The following SPATA13 variants were observed in gnomAD, a reference collection of about 807,000 sequenced individuals.
SPATA13 encodes the protein spermatogenesis-associated protein 13.
Under a neutral mutation model 104.0 loss-of-function variants are expected in SPATA13, and 50 were observed. The ratio of observed to expected loss-of-function variants is 0.48; its 90% CI spans 0.38 to 0.61. The LOEUF (loss-of-function observed/expected upper bound fraction) is 0.61, where lower values mean the gene tolerates loss of function less well. SPATA13 is among the 20% of genes least tolerant of loss of function. The pLI, the probability that SPATA13 is intolerant of heterozygous loss-of-function variation, is 0.00. For synonymous variants in SPATA13, 606 were observed against 667.5 expected (o/e 0.91, Z 1.42); for missense variants, 1,524 against 1,690.6 (o/e 0.90, Z 1.73).
chr13:24,158,884 C>A (rs142652845), upstream of SPATA13, among the ~76,000 whole-genome samples: 8 of 152,280 alleles, frequency 5.3e-5, 1 homozygote, highest in Admixed American at 1.3e-4. Context: ...GTCTTCAGGT[C>A]TAGTTGGTAT....
intron 2 of SPATA13, among the ~76,000 whole-genome samples, chr13:23,992,482 A>T (rs1230763559): frequency 6.6e-6 from 1 of 152,168 alleles, no homozygotes; most frequent in Non-Finnish European, 1.5e-5. Flanking sequence ...GTGGTGGTGG[A>T]TGGCTCTGCT....
intron 2 of SPATA13, among the ~76,000 whole-genome samples, chr13:24,242,489 G>A (rs1034120777): frequency 1.3e-5 from 2 of 152,208 alleles, no homozygotes; most frequent in African/African-American, 4.8e-5. Context: ...AAATGGAGGG[G>A]TCATGTCTAG....
At position 23,993,481 on chromosome 13, in the gene SPATA13, A is replaced by G. The variant is rs145875484; in HGVS notation, c.-147+9548A>G. ...GCAATAAGGCTTCTCTGCAAATAAG[A>G]GAAAGCATGCACCTCTCAGAAGAGT... On this transcript the variant is annotated intron_variant, in intron 2 of 14. Coordinates refer to the SPATA13 transcript ENST00000424834. Among the ~76,000 whole-genome samples the G allele has an allele frequency of 2.1e-3, 315 of 152,354 alleles. 4 individuals carry two copies. Among genetic ancestry groups the G allele is most frequent in the Non-Finnish European group, 3.9e-3 (265 of 68,030 alleles).
intron 1 of SPATA13, among the ~76,000 whole-genome samples, chr13:24,199,707 T>A (rs7330416): frequency 0.87 from 133,092 of 152,218 alleles, 60,742 homozygotes; most frequent in Non-Finnish European, 1. Flanking sequence ...TGCCTAGACC[T>A]GCGGCAATGT....
rs12585932 is a variant in SPATA13, at chr13:24,019,190, G to A, written c.-112+1489G>A. ...TGTAAGCTCCGCCTCCCGGGTTCAC[G>A]CCATTCTCCTGCCTCAGCCTCCCAA... On this transcript the variant is annotated intron_variant, in intron 3 of 14. Coordinates refer to the SPATA13 transcript ENST00000424834. 6.0e-5 allele frequency among the ~76,000 whole-genome samples: 9 copies of A among 149,342 alleles called. No individual in the cohort carries two copies. In the East Asian group the frequency reaches 9.8e-4, roughly 16 times the overall value.
At chr13:24,266,249 A>C (rs1367028126) in intron 4 of SPATA13, among the ~76,000 whole-genome samples, 1 of 152,194 alleles carries the variant, frequency 6.6e-6, no homozygotes, top group Non-Finnish European at 1.5e-5. Flanking sequence ...AATTGATCAT[A>C]ACATCCTATG....
intron 2 of SPATA13, among the ~76,000 whole-genome samples, chr13:24,235,406 G>C (rs1165532288): frequency 6.6e-6 from 1 of 152,192 alleles, no homozygotes; most frequent in East Asian, 1.9e-4. Context: ...AGCCAGGGAG[G>C]CATGCCGGAA....
chr13:24,183,605 ATTTTT>A (rs58865453), intron 1 of SPATA13, among the ~76,000 whole-genome samples: 1 of 147,920 alleles, frequency 6.8e-6, no homozygotes. Flanking sequence ...ATTTCTTTAC[ATTTTT>A]TTTTTTTTTT....
intron 2 of SPATA13, among the ~76,000 whole-genome samples, chr13:23,988,911 G>C (rs1875279379): frequency 6.6e-6 from 1 of 152,138 alleles, no homozygotes; most frequent in Middle Eastern, 3.2e-3. Flanking sequence ...GCCTGTGGGA[G>C]TCTTTGGGGG....
chr13:24,300,523 C>T, intron 12 of SPATA13, 48 bp downstream of exon 12: 1 of 1,561,512 alleles, frequency 6.4e-7, no homozygotes. Flanking sequence ...TCAGTATTCT[C>T]CTGAAAATGG....
intron 1 of SPATA13, among the ~76,000 whole-genome samples, chr13:24,170,399 T>C (rs979387029): frequency 6.6e-6 from 1 of 152,240 alleles, no homozygotes; most frequent in African/African-American, 2.4e-5. Flanking sequence ...CATAGGAGTC[T>C]AGTAGCCTTT....
intron 3 of SPATA13, among the ~76,000 whole-genome samples, chr13:24,082,823 T>A (rs185009910): frequency 0.013 from 464 of 34,870 alleles, 9 homozygotes; most frequent in African/African-American, 0.049. Context: ...CGAGACTCCG[T>A]CTCAAAAAAA....
intron 3 of SPATA13, among the ~76,000 whole-genome samples, chr13:24,251,009 G>A (rs556041844): frequency 3.1e-4 from 47 of 152,300 alleles, no homozygotes; most frequent in African/African-American, 1.1e-3. Context: ...GGATATGCAT[G>A]TAATAAACAA....
chr13:24,105,950 T>A (rs1880433967), intron 3 of SPATA13, among the ~76,000 whole-genome samples: 1 of 152,228 alleles, frequency 6.6e-6, no homozygotes. Context: ...TGCTGACACC[T>A]TAATCTTGAA....
intron 4 of SPATA13, chr13:24,278,922 T>G: frequency 3.7e-6 from 4 of 1,082,976 alleles, no homozygotes; most frequent in East Asian, 3.1e-5. Flanking sequence ...CCTTCCTTCC[T>G]TCCCTCTTTC....
rs1298609255 is a variant in SPATA13 at position 24,223,425 on chromosome 13, C to G, written c.496C>G (p.Pro166Ala). 1 of 1,551,098 alleles carries G rather than the reference C, an allele frequency of 6.4e-7. No individual in the cohort carries two copies. The highest frequency in any genetic ancestry group is 8.7e-7 in the Non-Finnish European group (1 of 1,147,002). Residue 166 changes from proline (P) to alanine (A), a missense_variant, in exon 2 of 13, where the codon CCG becomes GCG. Transcript: ENST00000382108. ...AQASRGSPLA[P>A]GPACGALRPA... ...GGCAAGCAGGGGCTCCCCCTTAGCA[C>G]CGGGACCAGCATGTGGTGCCCTCAG...
At chr13:24,026,326 A>T (rs1271620382) in intron 3 of SPATA13, among the ~76,000 whole-genome samples, 1 of 152,158 alleles carries the variant, frequency 6.6e-6, no homozygotes, top group African/African-American at 2.4e-5. Context: ...TGTGTTCTTC[A>T]CATGAAGAGC....
At chr13:24,237,884 T>TTAA (rs1489858112) in intron 2 of SPATA13, among the ~76,000 whole-genome samples, 2 of 147,606 alleles carry the variant, frequency 1.4e-5, no homozygotes, top group African/African-American at 4.9e-5. Flanking sequence ...ATATATCATT[T>TTAA]ATAATATATA....
chr13:24,222,388 G>A (rs1246759700), intron 1 of SPATA13, among the ~76,000 whole-genome samples: 1 of 152,186 alleles, frequency 6.6e-6, no homozygotes, highest in Non-Finnish European at 1.5e-5. Context: ...TGAGTATTCG[G>A]TATGTTGGAT....
Sources: gnomAD v4.1 joint callset for allele counts (sites outside exome capture counted in the v4.1 genomes callset) on GRCh38, gnomAD v4.1.1 for gene constraint, MANE v1.5 for transcripts, NCBI Gene and HGNC (gene_info 2026-07-23, HGNC 2026-07-21) for gene names.